Variants in ANO4 observed in about 807,000 individuals in gnomAD.
The protein encoded by ANO4 is anoctamin 4, also known as anoctamin-4.
A neutral mutation model predicts 141.9 loss-of-function variants in ANO4; 69 were observed. That is an observed-to-expected ratio of 0.49 (90% CI 0.40 to 0.59). The LOEUF (loss-of-function observed/expected upper bound fraction) is 0.59. Among genes scored for constraint, ANO4 ranks in the 20% least tolerant of loss-of-function variants. ANO4 has a pLI of 0.00. For missense variants in ANO4, 894 were observed against 1,162.2 expected (o/e 0.77, Z 3.36); for synonymous variants, 350 against 394.3 (o/e 0.89, Z 1.33).
intron 3 of ANO4, among the ~76,000 whole-genome samples, chr12:100,753,922 C>T (rs570569804): frequency 6.6e-6 from 1 of 152,190 alleles, no homozygotes; most frequent in Non-Finnish European, 1.5e-5. Context: ...CCTGTTTCAA[C>T]AAGCTGCGTC....
intron 1 of ANO4, among the ~76,000 whole-genome samples, chr12:100,810,507 G>A (rs2135702203): frequency 6.6e-6 from 1 of 152,262 alleles, no homozygotes; most frequent in South Asian, 2.1e-4. Context: ...ACCTGCTGCT[G>A]TGTGGAGAAT....
intron 1 of ANO4, among the ~76,000 whole-genome samples, chr12:100,822,269 G>A (rs980361050): frequency 3.9e-5 from 6 of 151,990 alleles, no homozygotes; most frequent in African/African-American, 1.4e-4. Context: ...TGGATCATGT[G>A]GAGAACTACT....
At chr12:101,061,320 T>G (rs1207044734) in intron 14 of ANO4, among the ~76,000 whole-genome samples, 3 of 152,146 alleles carry the variant, frequency 2.0e-5, no homozygotes, top group Non-Finnish European at 4.4e-5. Context: ...AACACTTTTT[T>G]TTTTTCATTT....
chr12:101,054,994 T>TA (rs1379446353), intron 14 of ANO4, among the ~76,000 whole-genome samples: 1 of 152,240 alleles, frequency 6.6e-6, no homozygotes, highest in Non-Finnish European at 1.5e-5. Flanking sequence ...CCTGTGTCAG[T>TA]AGCTGGTTTC....
At chr12:100,925,895 G>T (rs1265791315) in intron 3 of ANO4, among the ~76,000 whole-genome samples, 5 of 151,158 alleles carry the variant, frequency 3.3e-5, no homozygotes, top group Non-Finnish European at 5.9e-5. Flanking sequence ...CAAGCTAGAA[G>T]TGCATATGTG....
At chr12:100,953,301 G>T (rs2043047593) in intron 5 of ANO4, among the ~76,000 whole-genome samples, 1 of 152,190 alleles carries the variant, frequency 6.6e-6, no homozygotes, top group African/African-American at 2.4e-5. Flanking sequence ...AGATTTAAAA[G>T]CTTTGAAGCA....
chr12:101,099,857 C>T (rs1426411638), intron 22 of ANO4, 137 bp downstream of exon 22: 1 of 619,824 alleles, frequency 1.6e-6, no homozygotes, highest in Non-Finnish European at 2.5e-6. Flanking sequence ...AAGGCATGTC[C>T]TGCTTAAACT....
intron 8 of ANO4, among the ~76,000 whole-genome samples, chr12:101,004,406 T>G (rs538006266): frequency 1.3e-5 from 2 of 152,224 alleles, no homozygotes; most frequent in African/African-American, 4.8e-5. Flanking sequence ...GTGTTGCTTT[T>G]CAGCTGGAAA....
At chr12:100,894,458 A>G (rs2040244733) in intron 1 of ANO4, among the ~76,000 whole-genome samples, 1 of 152,024 alleles carries the variant, frequency 6.6e-6, no homozygotes, top group African/African-American at 2.4e-5. Flanking sequence ...TTACCCACCA[A>G]TTCTGATGCT....
chr12:100,918,143 A>G (rs2041436623), intron 2 of ANO4, among the ~76,000 whole-genome samples: 1 of 152,180 alleles, frequency 6.6e-6, no homozygotes, highest in Admixed American at 6.5e-5. Context: ...CCTGTGAAAC[A>G]TGGAAATACC....
chr12:101,089,606 T>G (rs1304225900), intron 17 of ANO4, among the ~76,000 whole-genome samples: 1 of 152,214 alleles, frequency 6.6e-6, no homozygotes, highest in Non-Finnish European at 1.5e-5. Context: ...ATGCCTACTA[T>G]ATTGTTATCA....
chr12:101,050,357 C>G (rs898270222), intron 14 of ANO4, among the ~76,000 whole-genome samples: 3 of 152,146 alleles, frequency 2.0e-5, no homozygotes, highest in African/African-American at 7.2e-5. Context: ...TCCTGCCTCC[C>G]TTGGTGGACC....
chr12:100,863,470 T>G (rs2038590038), intron 1 of ANO4, among the ~76,000 whole-genome samples: 1 of 152,188 alleles, frequency 6.6e-6, no homozygotes. Context: ...TGAGTCTACC[T>G]CTTTTGAGTT....
chr12:101,006,872 A>G (rs2045893815), intron 8 of ANO4, among the ~76,000 whole-genome samples: 1 of 152,214 alleles, frequency 6.6e-6, no homozygotes, highest in African/African-American at 2.4e-5. Flanking sequence ...TTATATTTGC[A>G]AACTTTTGAT....
intron 8 of ANO4, among the ~76,000 whole-genome samples, chr12:100,998,379 TTATC>T (rs5800449): frequency 0.12 from 17,709 of 148,806 alleles, 1,186 homozygotes; most frequent in East Asian, 0.18. Context: ...AAACTCCCCT[TTATC>T]TATCTATCTA....
intron 1 of ANO4, among the ~76,000 whole-genome samples, chr12:100,866,930 A>G (rs1159332476): frequency 6.6e-6 from 1 of 152,212 alleles, no homozygotes; most frequent in Admixed American, 6.5e-5. Context: ...ACTTTGTAGA[A>G]GTTGTCTCCT....
intron 14 of ANO4, among the ~76,000 whole-genome samples, chr12:101,055,916 C>T (rs887648699): frequency 3.3e-5 from 5 of 152,150 alleles, no homozygotes; most frequent in African/African-American, 9.6e-5. Flanking sequence ...TTGTCAAAAA[C>T]GCCGTTCTTT....
intron 3 of ANO4, among the ~76,000 whole-genome samples, chr12:100,925,032 C>G (rs1164836111): frequency 2.6e-5 from 4 of 151,972 alleles, no homozygotes; most frequent in African/African-American, 7.2e-5. Context: ...AAATGCAAAT[C>G]CAGCCCTTTA....
chr12:100,970,741 A>G (rs1409763722), intron 5 of ANO4, among the ~76,000 whole-genome samples: 4 of 121,584 alleles, frequency 3.3e-5, no homozygotes, highest in African/African-American at 1.3e-4. Context: ...TTCTTTCGAC[A>G]GAGACTCCCT....
Sources: allele counts gnomAD v4.1 joint callset (sites outside exome capture counted in the v4.1 genomes callset), GRCh38; gene constraint gnomAD v4.1.1; transcripts MANE v1.5; gene names NCBI Gene and HGNC (gene_info 2026-07-23, HGNC 2026-07-21).